The following KHSRP variants were observed in gnomAD, a reference collection of about 807,000 sequenced individuals.
The protein encoded by KHSRP is KH-type splicing regulatory protein, also known as far upstream element-binding protein 2.
KHSRP carries 13 observed loss-of-function variants against 94.9 expected under a neutral mutation model. That is an observed-to-expected ratio of 0.14 (90% CI 0.09 to 0.22). The LOEUF (loss-of-function observed/expected upper bound fraction) is 0.22, where lower values mean the gene tolerates loss of function less well. Among genes scored for constraint, KHSRP ranks in the 10% least tolerant of loss-of-function variants. The pLI, the probability that KHSRP is intolerant of heterozygous loss-of-function variation, is 1.00. For synonymous variants in KHSRP, 495 were observed against 401.4 expected (o/e 1.23, Z -2.79); for missense variants, 710 against 1,010.0 (o/e 0.70, Z 4.03).
chr19:6,420,723 C>T (rs538159844), intron 4 of KHSRP, among the ~76,000 whole-genome samples: 1 of 152,386 alleles, frequency 6.6e-6, no homozygotes, highest in South Asian at 2.1e-4. Flanking sequence ...CTGACAGTCA[C>T]TCTATGTCTC....
intron 2 of KHSRP, 82 bp downstream of exon 2, chr19:6,422,258 C>A (rs553822867): frequency 4.5e-6 from 4 of 889,326 alleles, no homozygotes; most frequent in Admixed American, 3.7e-5. Context: ...ACACCCACCC[C>A]CTCTGAACCA....
Position 6,419,186 on chromosome 19 carries a change from G to A in KHSRP, c.605+17C>T. The A allele has an allele frequency of 1.3e-6, 2 of 1,573,530 alleles. No individual in the cohort carries two copies. The highest frequency in any genetic ancestry group is 1.7e-6 in the Non-Finnish European group (2 of 1,159,354). Reference sequence around the variant, plus strand: ...CCTGCCCCCCACATCACAATGAGAGGCCCTGTGGGGACTTACTGGACAGAT... The same window carrying A: ...CCTGCCCCCCACATCACAATGAGAGACCCTGTGGGGACTTACTGGACAGAT... On this transcript the variant is annotated intron_variant, in intron 7 of 18. Coordinates refer to ENST00000600480, the MANE Select transcript of KHSRP (RefSeq NM_001366299.1).
intron 4 of KHSRP, chr19:6,421,042 C>G (rs2092192071): frequency 3.5e-6 from 2 of 564,516 alleles, no homozygotes; most frequent in African/African-American, 1.9e-5. Flanking sequence ...GGTGCGGAGA[C>G]CACCCTATCA....
At position 6,419,097 on chromosome 19, in the gene KHSRP, A is replaced by G. The variant is rs190879119; in HGVS notation, c.605+106T>C. On this transcript the variant is annotated intron_variant, in intron 7 of 18. Transcript: ENST00000600480. Reference sequence around the variant, plus strand: ...ATGGCTGTCTGGAGATGGGGGCAAGAATGGAGGACATGGCGTGCAAGTTGC... The same window carrying G: ...ATGGCTGTCTGGAGATGGGGGCAAGGATGGAGGACATGGCGTGCAAGTTGC... The G allele has an allele frequency of 6.6e-4, 799 of 1,218,230 alleles. 9 individuals are homozygous for G. The African/African-American group carries it at 8.3e-3, about 13-fold the overall frequency. The allele number at this position is 1,218,230 out of a possible 1,614,324, so 75.5% of individuals were successfully genotyped here.
rs769765064 is a variant in KHSRP, at chr19:6,421,634, G to C, written c.385+16C>G. The C allele has an allele frequency of 6.2e-7, 1 of 1,613,652 alleles. No individual in the cohort carries two copies. Among genetic ancestry groups the C allele is most frequent in the African/African-American group, 1.3e-5 (1 of 75,018 alleles). ...CTCTGAAGCCACATATCTGCCACCA[G>C]ACCCCCTGGACTTACAGTCTCCCTG... On this transcript the variant is annotated intron_variant, in intron 3 of 18. Transcript: ENST00000600480.
In KHSRP at chr19:6,419,264, A is replaced by G. The variant is rs2305059; in HGVS notation, c.548-4T>C. The G allele has an allele frequency of 0.38, 591,506 of 1,565,768 alleles. 116,450 individuals carry two copies. Among genetic ancestry groups the G allele is most frequent in the Admixed American group, 0.61 (31,462 of 51,670 alleles). ...CGCTCGGGTAGGCCACCGCTGTCTGAAAAGAGGAGATAGAGTCAGTGCCCT... is the reference window on the plus strand; with the variant it reads ...CGCTCGGGTAGGCCACCGCTGTCTGGAAAGAGGAGATAGAGTCAGTGCCCT... On this transcript the variant is annotated splice_region_variant and splice_polypyrimidine_tract_variant and intron_variant, in intron 6 of 18. Coordinates refer to ENST00000600480, the MANE Select transcript of KHSRP (RefSeq NM_001366299.1).
intron 15 of KHSRP, 69 bp downstream of exon 15, chr19:6,416,229 G>A: frequency 7.9e-7 from 1 of 1,271,692 alleles, no homozygotes; most frequent in Non-Finnish European, 1.1e-6. Context: ...AGGGAAATGG[G>A]GTCTGCTATT....
intron 2 of KHSRP, among the ~76,000 whole-genome samples, chr19:6,422,112 T>A (rs1244829496): frequency 6.6e-6 from 1 of 152,176 alleles, no homozygotes; most frequent in Non-Finnish European, 1.5e-5. Context: ...GGAATCATCT[T>A]GGGAACTTAC....
intron 11 of KHSRP, among the ~76,000 whole-genome samples, chr19:6,417,308 A>G (rs1408431479): frequency 3.9e-5 from 6 of 152,242 alleles, no homozygotes; most frequent in African/African-American, 1.4e-4. Context: ...AGCTTCTTCC[A>G]GCACACAGCA....
In KHSRP at chr19:6,414,619, A is replaced by G. The variant is rs2092128217; in HGVS notation, c.*405T>C. The G allele has an allele frequency of 2.0e-6, 2 of 1,009,924 alleles. No homozygotes were observed. The allele number at this position is 1,009,924 out of a possible 1,614,324, so 62.6% of individuals were successfully genotyped here. A position where few individuals can be genotyped will look rare whatever the true frequency, so the allele number is the denominator to read the frequency against. On this transcript the variant is annotated 3_prime_UTR_variant, in exon 19 of 19. Transcript: ENST00000600480. ...CTGGGCCGCTCCCCGCGTCCCCACC[A>G]GTCCCTGCCAGAGCCAGGCCGCCTG...
intron 11 of KHSRP, 72 bp downstream of exon 11, chr19:6,417,667 G>T: frequency 7.5e-7 from 1 of 1,338,784 alleles, no homozygotes; most frequent in Non-Finnish European, 1.1e-6. Context: ...ACGGTGCCCA[G>T]CTCCCTCAGA....
At chr19:6,415,336 G>GT (rs2145111635) in intron 18 of KHSRP, 35 bp from the exon 19 acceptor site, 3 of 1,613,284 alleles carry the variant, frequency 1.9e-6, no homozygotes, top group East Asian at 2.2e-5. Context: ...GAGGCTGTGG[G>GT]TGAGGGCTGC....
In KHSRP at chr19:6,418,385, C is replaced by T. The variant is rs1193698755; in HGVS notation, c.879+98G>A. The T allele has an allele frequency of 3.8e-5, 33 of 865,166 alleles. No individual in the cohort carries two copies. Among genetic ancestry groups the T allele is most frequent in the Non-Finnish European group, 5.5e-5 (29 of 530,932 alleles). 53.6% of individuals were successfully genotyped at this position (865,166 alleles called of 1,614,324 possible). On this transcript the variant is annotated intron_variant, in intron 9 of 18. Coordinates refer to ENST00000600480, the MANE Select transcript of KHSRP (RefSeq NM_001366299.1). The surrounding 1 kb of genome is among the most constrained non-coding windows in gnomAD (Gnocchi z 4.3). Reference sequence around the variant, plus strand: ...TCTTGGTGTTATGACCGACTGTTCACATATCTCTCTGGCGGAATGCAGACC... The same window carrying T: ...TCTTGGTGTTATGACCGACTGTTCATATATCTCTCTGGCGGAATGCAGACC...
intron 1 of KHSRP, chr19:6,424,090 T>C (rs1215574656): frequency 2.0e-5 from 3 of 151,988 alleles, no homozygotes; most frequent in Non-Finnish European, 2.9e-5. Flanking sequence ...TTTGCCCTGA[T>C]ATGGAGGGGA....
chr19:6,418,468 C>G lies in KHSRP; in HGVS notation c.879+15G>C. On this transcript the variant is annotated intron_variant, in intron 9 of 18. Coordinates refer to ENST00000600480, the MANE Select transcript of KHSRP (RefSeq NM_001366299.1). The surrounding 1 kb of genome is among the most constrained non-coding windows in gnomAD (Gnocchi z 4.3). ...CCTCTCCAGAACCCCCTCCACCACC[C>G]CAGGGCGTGCTCACCTGCACTTTGT... is the stretch of plus-strand genomic sequence containing the variant. The G allele has an allele frequency of 6.2e-7, 1 of 1,607,284 alleles. No individual in the cohort carries two copies. Among genetic ancestry groups the G allele is most frequent in the Non-Finnish European group, 8.5e-7 (1 of 1,174,686 alleles).
At chr19:6,420,000 TTAAG>T in intron 6 of KHSRP, 69 bp downstream of exon 6, 4 of 1,160,140 alleles carry the variant, frequency 3.4e-6, no homozygotes, top group South Asian at 1.3e-5. Context: ...CCCGTGGAAA[TTAAG>T]TAATTAAAGG....
rs1266407041 is a variant in KHSRP at position 6,418,785 on chromosome 19, C to T, written c.697G>A (p.Gly233Ser). ...FHDNANGGQN[G>S]TVQEIMIPAG... The stretch of plus-strand genomic sequence containing the variant: ...GGGATCATGATCTCCTGCACGGTGC[C>T]GTTCTGGCCCCCGTTGGCGTTGTCG... Residue 233 changes from glycine to serine, a missense_variant, in exon 8 of 19, where the codon GGC becomes AGC. By Grantham distance (56) the Gly-to-Ser change is moderately conservative. Transcript: ENST00000600480. The surrounding 1 kb of genome is among the most constrained non-coding windows in gnomAD (Gnocchi z 4.3). 1.2e-6 allele frequency: 2 copies of T among 1,603,034 alleles called. No individual in the cohort carries two copies. Among genetic ancestry groups the T allele is most frequent in the Non-Finnish European group, 8.5e-7 (1 of 1,176,714 alleles).
In KHSRP at chr19:6,418,183, G is replaced by A. The variant is rs1465383312; in HGVS notation, c.880-104C>T. The A allele has an allele frequency of 1.0e-6, 1 of 968,022 alleles. No individual in the cohort carries two copies. Among genetic ancestry groups the A allele is most frequent in the Non-Finnish European group, 1.6e-6 (1 of 617,294 alleles). 60.0% of individuals were successfully genotyped at this position (968,022 alleles called of 1,614,324 possible). The stretch of plus-strand genomic sequence containing the variant: ...TCAACTAAGGACCCACGAACCCTGG[G>A]TGAGCCCAGCACAGCACCCTACTGA... On this transcript the variant is annotated intron_variant, in intron 9 of 18. Coordinates refer to ENST00000600480, the MANE Select transcript of KHSRP (RefSeq NM_001366299.1). The surrounding 1 kb of genome is among the most constrained non-coding windows in gnomAD (Gnocchi z 4.3).
In KHSRP at chr19:6,418,176, A is replaced by G; in HGVS notation, c.880-97T>C. ...GCGGGCCTCAACTAAGGACCCACGA[A>G]CCCTGGGTGAGCCCAGCACAGCACC... On this transcript the variant is annotated intron_variant, in intron 9 of 18. Transcript: ENST00000600480. This position sits in a 1 kb window ranked among gnomAD's most constrained non-coding sequence, Gnocchi z 4.3. 9.6e-7 allele frequency: 1 copy of G among 1,038,376 alleles called. No individual in the cohort carries two copies. Among genetic ancestry groups the G allele is most frequent in the Non-Finnish European group, 1.5e-6 (1 of 680,320 alleles). The allele number at this position is 1,038,376 out of a possible 1,614,324, so 64.3% of individuals were successfully genotyped here. A position where few individuals can be genotyped will look rare whatever the true frequency, so the allele number is the denominator to read the frequency against.
Sources: gnomAD v4.1 joint callset for allele counts (sites outside exome capture counted in the v4.1 genomes callset) on GRCh38, gnomAD v4.1.1 for gene constraint, Gnocchi (gnomAD v3.1) non-coding constraint, MANE v1.5 for transcripts, NCBI Gene and HGNC (gene_info 2026-07-23, HGNC 2026-07-21) for gene names.